FAM131A: variants seen among roughly 807,000 people sequenced by gnomAD.
The protein encoded by FAM131A is family with sequence similarity 131 member A, also known as protein FAM131A.
In FAM131A, 24 loss-of-function variants were observed where a neutral mutation model predicts 39.2. That is an observed-to-expected ratio of 0.61 (90% CI 0.44 to 0.86). The LOEUF (loss-of-function observed/expected upper bound fraction) is 0.86. FAM131A is among the 40% of genes least tolerant of loss of function. The pLI, the probability that FAM131A is intolerant of heterozygous loss-of-function variation, is 0.00. For synonymous variants in FAM131A, 202 were observed against 206.8 expected, an observed-to-expected ratio of 0.98 and a Z score of 0.20; for missense variants, 373 against 481.2, an observed-to-expected ratio of 0.78 and a Z score of 2.10.
upstream of FAM131A, among the ~76,000 whole-genome samples, chr3:184,336,994 C>T (rs1727145060): frequency 1.3e-5 from 2 of 152,212 alleles, no homozygotes; most frequent in African/African-American, 2.4e-5. The surrounding 1 kb of genome is among the most constrained non-coding windows in gnomAD (Gnocchi z 5.5). Context: ...ACCTTCAGGG[C>T]AGGTGGTCAG....
intron 2 of FAM131A, chr3:184,340,112 C>G (rs566874060): frequency 6.6e-6 from 1 of 152,250 alleles, no homozygotes; most frequent in Non-Finnish European, 1.5e-5. Context: ...CTGCCTCAGC[C>G]TCCTGAGTAG....
rs191580033 is a variant in FAM131A at position 184,341,572 on chromosome 3, T to C, written c.232-152T>C. 823 of 648,542 alleles carry C rather than the reference T, an allele frequency of 1.3e-3. 1 individual carries two copies. The highest frequency in any genetic ancestry group is 1.7e-3 in the Admixed American group (68 of 41,210). The allele number at this position is 648,542 out of a possible 1,614,324, so 40.2% of individuals were successfully genotyped here. ...ACATAATTCACCTGTCCTAGCTTCT[T>C]ATCATCTTACATTTCCCTGTAGCCA... On this transcript the variant is annotated intron_variant, in intron 2 of 5. Coordinates refer to ENST00000383847, the MANE Select transcript of FAM131A (RefSeq NM_144635.5).
intron 5 of FAM131A, among the ~76,000 whole-genome samples, chr3:184,343,441 G>A (rs981087008): frequency 3.9e-5 from 6 of 152,166 alleles, no homozygotes; most frequent in Admixed American, 6.5e-5. Context: ...AGCTGTGTTC[G>A]GCCCTCCTTT....
intron 1 of FAM131A, among the ~76,000 whole-genome samples, chr3:184,337,952 C>T (rs1212859377): frequency 2.0e-5 from 3 of 152,056 alleles, no homozygotes; most frequent in African/African-American, 7.3e-5. Context: ...TGTGGACCAG[C>T]TGAGGCTGGC....
Position 184,338,468 on chromosome 3 carries a change from C to A in FAM131A, c.170C>A (p.Thr57Asn). 6.5e-7 allele frequency: 1 copy of A among 1,534,288 alleles called. No homozygotes were observed. The highest frequency in any genetic ancestry group is 8.7e-7 in the Non-Finnish European group (1 of 1,145,592). Residue 57 changes from threonine (T) to asparagine (N), a missense_variant, in exon 2 of 6, where the codon ACC becomes AAC. This residue lies in a region of FAM131A where 221 missense variants were observed against 347.7 expected (regional missense o/e 0.64). Coordinates refer to ENST00000383847, the MANE Select transcript of FAM131A (RefSeq NM_144635.5). Reference sequence around the variant, plus strand: ...CTATCCTCTTTGGGATCTGCTCGAACCCTCCGAGGCTGGAGCAGGTCCTCC... The same window carrying A: ...CTATCCTCTTTGGGATCTGCTCGAAACCTCCGAGGCTGGAGCAGGTCCTCC... ...LSLSSLGSAR[T>N]LRGWSRSSRP...
chr3:184,337,470 C>T (rs541800165), upstream of FAM131A: 1 of 664,864 alleles, frequency 1.5e-6, no homozygotes, highest in Non-Finnish European at 2.6e-6. Flanking sequence ...GTTCCCACCT[C>T]CTCAGAGCCA....
chr3:184,338,035 G>C (rs1196476527), intron 1 of FAM131A, among the ~76,000 whole-genome samples: 1 of 152,152 alleles, frequency 6.6e-6, no homozygotes, highest in Admixed American at 6.5e-5. Context: ...GGCGGTGGTG[G>C]GGGGGACAGT....
chr3:184,342,293 G>A lies in FAM131A; in HGVS notation c.508+45G>A, dbSNP rs367585415. 4 of 1,518,684 alleles carry A rather than the reference G, an allele frequency of 2.6e-6. No individual in the cohort carries two copies. The Middle Eastern group carries it at 5.4e-4, about 207-fold the overall frequency. 94.1% of individuals were successfully genotyped at this position (1,518,684 alleles called of 1,614,324 possible). A position where few individuals can be genotyped will look rare whatever the true frequency, so the allele number is the denominator to read the frequency against. On this transcript the variant is annotated intron_variant, in intron 4 of 5. Coordinates refer to ENST00000383847, the MANE Select transcript of FAM131A (RefSeq NM_144635.5). This position sits in a 1 kb window ranked among gnomAD's most constrained non-coding sequence, Gnocchi z 4.6. The stretch of plus-strand genomic sequence containing the variant: ...TAAGCTACACTCTTGGCACAGGGCT[G>A]CTTTCTTTCTTTATTTTATTTAATT...
At chr3:184,341,424 G>A (rs764655184) in intron 2 of FAM131A, 1 of 479,680 alleles carries the variant, frequency 2.1e-6, no homozygotes, top group Non-Finnish European at 3.8e-6. Context: ...CTCCTCAGAG[G>A]TCTCACTCGT....
chr3:184,345,435 C>T lies in FAM131A; in HGVS notation c.*465C>T. ...GCAGTGCTTGATAGAATCACCCCCACCTGGAGGGGCTGGCTCCTGCCCTCC... is the reference window on the plus strand; with the variant it reads ...GCAGTGCTTGATAGAATCACCCCCATCTGGAGGGGCTGGCTCCTGCCCTCC... On this transcript the variant is annotated 3_prime_UTR_variant, in exon 6 of 6. Transcript: ENST00000383847. 1.5e-6 allele frequency: 1 copy of T among 681,932 alleles called. No homozygotes were observed. The highest frequency in any genetic ancestry group is 1.8e-5 in the African/African-American group (1 of 55,716). The allele number at this position is 681,932 out of a possible 1,614,324, so 42.2% of individuals were successfully genotyped here.
At chr3:184,338,838 C>G (rs1157946113) in intron 2 of FAM131A, 3 of 280,448 alleles carry the variant, frequency 1.1e-5, no homozygotes, top group African/African-American at 4.5e-5. Context: ...GCCGCAGCTG[C>G]GCGGAGCGCC....
rs1727636086 is a variant in FAM131A at position 184,345,912 on chromosome 3, G to A, written c.*942G>A. 1 of 378,988 alleles carries A rather than the reference G, an allele frequency of 2.6e-6. No individual in the cohort carries two copies. The highest frequency in any genetic ancestry group is 4.9e-5 in the East Asian group (1 of 20,540). 23.5% of individuals were successfully genotyped at this position (378,988 alleles called of 1,614,324 possible). A position where few individuals can be genotyped will look rare whatever the true frequency, so the allele number is the denominator to read the frequency against. ...AGAGGCAGGAATTGTGCCAGTGAGT[G>A]ACAGTCATGAGGGAGTGTCTCTTCT... On this transcript the variant is annotated 3_prime_UTR_variant, in exon 6 of 6. Transcript: ENST00000383847.
At chr3:184,338,780 C>T (rs1022013057) in intron 2 of FAM131A, 11 of 463,326 alleles carry the variant, frequency 2.4e-5, no homozygotes, top group African/African-American at 1.3e-4. Context: ...GACCCTGTTG[C>T]GTGGTGATGG....
chr3:184,340,466 A>G (rs1727324703), intron 2 of FAM131A: 1 of 151,030 alleles, frequency 6.6e-6, no homozygotes, highest in South Asian at 2.1e-4. Context: ...AGCTGGGATT[A>G]CAGGAACGTG....
Position 184,341,773 on chromosome 3 carries a change from T to C in FAM131A, c.281T>C (p.Leu94Pro). 6.2e-7 allele frequency: 1 copy of C among 1,613,622 alleles called. No homozygotes were observed. The highest frequency in any genetic ancestry group is 8.5e-7 in the Non-Finnish European group (1 of 1,180,010). The part of the protein sequence containing the change: ...VAMLPKSRRA[L>P]TIQEIAALAR... ...ATGCTGCCCAAGTCCCGGCGAGCCC[T>C]AACTATCCAGGAGATCGCTGCGCTG... The change falls in exon 3 of 6, where the codon CTA (leucine) becomes CCA (proline). Residue 94 changes from leucine to proline, a missense_variant. Around this residue, in one of 2 missense-constraint regions of FAM131A, gnomAD observed 221 missense variants for 347.7 expected, o/e 0.64. Coordinates refer to ENST00000383847, the MANE Select transcript of FAM131A (RefSeq NM_144635.5).
Position 184,338,434 on chromosome 3 carries a change from G to A in FAM131A, c.136G>A (p.Gly46Ser). 2.0e-6 allele frequency: 3 copies of A among 1,504,858 alleles called. No individual in the cohort carries two copies. Among genetic ancestry groups the A allele is most frequent in the Non-Finnish European group, 2.6e-6 (3 of 1,132,424 alleles). 93.2% of individuals were successfully genotyped at this position (1,504,858 alleles called of 1,614,324 possible). A position where few individuals can be genotyped will look rare whatever the true frequency, so the allele number is the denominator to read the frequency against. The change falls in exon 2 of 6, where the codon GGT becomes AGT. Residue 46 changes from glycine to serine, a missense_variant. Coordinates refer to ENST00000383847, the MANE Select transcript of FAM131A (RefSeq NM_144635.5). ...WAVEWIELPR[G>S]LSLSSLGSAR... is the part of the protein sequence containing the mutation. ...TGTGGAGTGGATCGAACTTCCTCGGGGTCTCTCTCTATCCTCTTTGGGATC... is the reference window on the plus strand; with the variant it reads ...TGTGGAGTGGATCGAACTTCCTCGGAGTCTCTCTCTATCCTCTTTGGGATC...
At position 184,345,150 on chromosome 3, in the gene FAM131A, G is replaced by A; in HGVS notation, c.*180G>A. Reference sequence around the variant, plus strand: ...TGTTTGGAGAGGAGGCAGGGGCTGGGCTGGGGGCGCATGTCCTGCCCCCAC... The same window carrying A: ...TGTTTGGAGAGGAGGCAGGGGCTGGACTGGGGGCGCATGTCCTGCCCCCAC... On this transcript the variant is annotated 3_prime_UTR_variant, in exon 6 of 6. Coordinates refer to ENST00000383847, the MANE Select transcript of FAM131A (RefSeq NM_144635.5). The A allele has an allele frequency of 1.5e-6, 1 of 683,870 alleles. No individual in the cohort carries two copies. Among genetic ancestry groups the A allele is most frequent in the Non-Finnish European group, 2.4e-6 (1 of 422,820 alleles). The allele number at this position is 683,870 out of a possible 1,614,324, so 42.4% of individuals were successfully genotyped here.
intron 3 of FAM131A, 105 bp from the exon 4 acceptor site, chr3:184,341,961 C>G (rs1248345483): frequency 1.3e-6 from 2 of 1,523,954 alleles, no homozygotes; most frequent in Non-Finnish European, 1.8e-6. Context: ...TTCTCCCACC[C>G]AAAGGTTCAC....
Position 184,342,178 on chromosome 3 carries a change from T to C in FAM131A, c.438T>C (p.Ala146=), listed in dbSNP as rs1727415394. The change falls in exon 4 of 6, where the codon GCT becomes GCC. Residue 146 remains alanine (A), a synonymous_variant. Transcript: ENST00000383847. This position sits in a 1 kb window ranked among gnomAD's most constrained non-coding sequence, Gnocchi z 4.6. ...KGWSKPSDSP[A]ALESAFSSYS... ...GGAGCAAGCCGAGTGACTCACCTGCTGCCCTGGAATCAGCCTTTTCCTCCT... is the reference window on the plus strand; with the variant it reads ...GGAGCAAGCCGAGTGACTCACCTGCCGCCCTGGAATCAGCCTTTTCCTCCT... 6.2e-7 allele frequency: 1 copy of C among 1,614,254 alleles called. No homozygotes were observed.
Sources: gnomAD v4.1 joint callset for allele counts (sites outside exome capture counted in the v4.1 genomes callset) on GRCh38, gnomAD v4.1.1 for gene constraint, gnomAD v4.1.1 regional missense constraint, Gnocchi (gnomAD v3.1) non-coding constraint, MANE v1.5 for transcripts, NCBI Gene and HGNC (gene_info 2026-07-23, HGNC 2026-07-21) for gene names.